Variants in HORMAD2 observed in about 807,000 individuals in gnomAD.
The protein encoded by HORMAD2 is HORMA domain-containing protein 2.
HORMAD2 carries 45 observed loss-of-function variants against 38.8 expected under a neutral mutation model. The ratio of observed to expected loss-of-function variants is 1.16; its 90% confidence interval spans 0.91 to 1.49. The LOEUF (loss-of-function observed/expected upper bound fraction) is 1.49, where lower values mean the gene tolerates loss of function less well. HORMAD2 is among the 40% of genes most tolerant of loss of function. The pLI is 0.00. For synonymous variants in HORMAD2, 126 were observed against 122.8 expected (o/e 1.03, Z -0.17); for missense variants, 338 against 367.0 (o/e 0.92, Z 0.65).
chr22:30,124,883 C>A (rs1311680992), intron 10 of HORMAD2, among the ~76,000 whole-genome samples: 2 of 152,110 alleles, frequency 1.3e-5, no homozygotes, highest in Non-Finnish European at 2.9e-5. Context: ...TTACTCGCTA[C>A]CCCCAGTGAA....
At chr22:30,128,564 A>T (rs1923039588) in intron 10 of HORMAD2, among the ~76,000 whole-genome samples, 1 of 152,192 alleles carries the variant, frequency 6.6e-6, no homozygotes, top group African/African-American at 2.4e-5. Context: ...GAAAGCATTT[A>T]AAAAATTTTT....
intron 10 of HORMAD2, among the ~76,000 whole-genome samples, chr22:30,139,550 T>C (rs1245149826): frequency 1.3e-5 from 2 of 151,904 alleles, no homozygotes; most frequent in East Asian, 3.9e-4. Flanking sequence ...CAAATAGATA[T>C]AGTTTCACTT....
chr22:30,096,580 G>A (rs1430325401), intron 2 of HORMAD2, among the ~76,000 whole-genome samples: 1 of 151,568 alleles, frequency 6.6e-6, no homozygotes, highest in Admixed American at 6.6e-5. Context: ...TGTTTCTCCT[G>A]CCTCAGCCTC....
chr22:30,091,413 G>A (rs765770585), intron 1 of HORMAD2, among the ~76,000 whole-genome samples: 18 of 151,534 alleles, frequency 1.2e-4, no homozygotes, highest in South Asian at 1.0e-3. Context: ...CTATAGGTGC[G>A]TGCCACCACA....
chr22:30,157,129 G>C (rs1925129220), intron 10 of HORMAD2, among the ~76,000 whole-genome samples: 2 of 152,134 alleles, frequency 1.3e-5, no homozygotes, highest in Admixed American at 1.3e-4. Context: ...CTCTCCATCT[G>C]TATCCTCTTG....
At chr22:30,186,358 C>CTTTT in the HORMAD2 span, among the ~76,000 whole-genome samples, 2 of 133,008 alleles carry the variant, frequency 1.5e-5, no homozygotes, top group African/African-American at 5.6e-5. Context: ...TCCTTCTGTC[C>CTTTT]TTTTTTTTTT....
chr22:30,199,648 T>C, the HORMAD2 span, among the ~76,000 whole-genome samples: 12 of 152,322 alleles, frequency 7.9e-5, no homozygotes, highest in African/African-American at 2.4e-4. Flanking sequence ...TAATATCTCG[T>C]TGGATGGACC....
intron 10 of HORMAD2, among the ~76,000 whole-genome samples, chr22:30,128,352 A>G (rs1034619207): frequency 6.6e-6 from 1 of 152,094 alleles, no homozygotes; most frequent in African/African-American, 2.4e-5. Context: ...TATGGTTTTA[A>G]TCATGGTATA....
At chr22:30,179,106 A>G (rs1004224007), downstream of HORMAD2, among the ~76,000 whole-genome samples, 2 of 152,190 alleles carry the variant, frequency 1.3e-5, no homozygotes, top group Non-Finnish European at 2.9e-5. Flanking sequence ...GCCAACTTTA[A>G]TGTATCTTAA....
chr22:30,114,459 A>G (rs1345957584), intron 7 of HORMAD2, among the ~76,000 whole-genome samples: 6 of 152,228 alleles, frequency 3.9e-5, no homozygotes, highest in Non-Finnish European at 8.8e-5. Context: ...ATTGCTATTT[A>G]GCATCAAGTC....
upstream of HORMAD2, among the ~76,000 whole-genome samples, chr22:30,079,492 C>T (rs2068432199): frequency 6.6e-6 from 1 of 152,194 alleles, no homozygotes; most frequent in Non-Finnish European, 1.5e-5. Flanking sequence ...GGCCTTATGT[C>T]TTTTTTCTTT....
the HORMAD2 span, among the ~76,000 whole-genome samples, chr22:30,183,185 A>T: frequency 6.6e-6 from 1 of 152,256 alleles, no homozygotes; most frequent in Non-Finnish European, 1.5e-5. Context: ...AAAATCAACC[A>T]GGAGACTATT....
rs761118527 is a variant in HORMAD2 at position 30,098,878 on chromosome 22, T to G, written c.78T>G (p.Thr26=). ...AAACAGTTTTCCCATCCCAAATCAC[T>G]AATGAGCATGAGTCATTGAAAATGG... ...SKETVFPSQI[T]NEHESLKMVK... is the part of the protein sequence containing the mutation. Residue 26 remains threonine, a synonymous_variant, in exon 3 of 11, where the codon ACT becomes ACG. Transcript: ENST00000336726. 8 of 1,612,580 alleles carry G rather than the reference T, an allele frequency of 5.0e-6. No individual in the cohort carries two copies. Among genetic ancestry groups the G allele is most frequent in the Middle Eastern group, 1.7e-4 (1 of 6,052 alleles).
At chr22:30,102,988 C>A (rs566450970) in intron 3 of HORMAD2, among the ~76,000 whole-genome samples, 1 of 151,910 alleles carries the variant, frequency 6.6e-6, no homozygotes, top group African/African-American at 2.4e-5. Flanking sequence ...AGGTAGATTT[C>A]GGATAAAATA....
chr22:30,102,927 G>A (rs1343165887), intron 3 of HORMAD2, among the ~76,000 whole-genome samples: 1 of 152,006 alleles, frequency 6.6e-6, no homozygotes, highest in East Asian at 1.9e-4. Context: ...ACCACACCCG[G>A]CCTAAACCCA....
At chr22:30,168,106 A>G (rs185149809) in intron 10 of HORMAD2, among the ~76,000 whole-genome samples, 31 of 152,326 alleles carry the variant, frequency 2.0e-4, no homozygotes, top group Admixed American at 5.9e-4. Context: ...GTAAAACTCT[A>G]CATTATTTTT....
downstream of HORMAD2, among the ~76,000 whole-genome samples, chr22:30,178,031 G>C (rs1367866250): frequency 6.6e-6 from 1 of 152,092 alleles, no homozygotes; most frequent in Admixed American, 6.6e-5. Context: ...TTTTGAGATG[G>C]GCTACCTTGT....
chr22:30,153,562 G>T (rs929835383), intron 10 of HORMAD2, among the ~76,000 whole-genome samples: 1 of 152,134 alleles, frequency 6.6e-6, no homozygotes, highest in Non-Finnish European at 1.5e-5. Context: ...TGTCCAGAAT[G>T]CCTTTCTTTC....
chr22:30,157,723 A>G (rs1925170022), intron 10 of HORMAD2, among the ~76,000 whole-genome samples: 1 of 152,152 alleles, frequency 6.6e-6, no homozygotes, highest in Admixed American at 6.5e-5. Context: ...GGAACACTAG[A>G]AGTTTGTAAC....
Sources: allele counts gnomAD v4.1 joint callset (sites outside exome capture counted in the v4.1 genomes callset), GRCh38; gene constraint gnomAD v4.1.1; transcripts MANE v1.5; gene names NCBI Gene and HGNC (gene_info 2026-07-23, HGNC 2026-07-21).